TNIP3: variants seen among roughly 807,000 people sequenced by gnomAD.
TNIP3 encodes the protein TNFAIP3-interacting protein 3.
Under a neutral mutation model 54.1 loss-of-function variants are expected in TNIP3, and 34 were observed. The ratio of observed to expected loss-of-function variants is 0.63; its 90% CI spans 0.48 to 0.84. The LOEUF (loss-of-function observed/expected upper bound fraction) is 0.84. Ranked by LOEUF, TNIP3 falls within the 40% of genes least tolerant of loss-of-function variation. The pLI is 0.00. For synonymous variants in TNIP3, 134 were observed against 136.8 expected, an observed-to-expected ratio of 0.98 and a Z score of 0.14; for missense variants, 366 against 387.6, an observed-to-expected ratio of 0.94 and a Z score of 0.47.
At chr4:121,202,078 C>CA (rs1178462917) in intron 2 of TNIP3, among the ~76,000 whole-genome samples, 3 of 151,630 alleles carry the variant, frequency 2.0e-5, no homozygotes, top group African/African-American at 7.3e-5. Flanking sequence ...CATATGGAAC[C>CA]AAAAAAAGAG....
chr4:121,143,068 T>C (rs1729217334), intron 7 of TNIP3, among the ~76,000 whole-genome samples: 1 of 152,258 alleles, frequency 6.6e-6, no homozygotes, highest in Non-Finnish European at 1.5e-5. Flanking sequence ...TGAATGACAT[T>C]GGAATTGTCA....
intron 2 of TNIP3, among the ~76,000 whole-genome samples, chr4:121,208,022 C>T (rs1247413377): frequency 6.6e-6 from 1 of 152,064 alleles, no homozygotes; most frequent in East Asian, 1.9e-4. Flanking sequence ...GCTTTTGCAT[C>T]TTCCTCATTT....
chr4:121,160,530 G>T (rs1333259788), intron 2 of TNIP3, among the ~76,000 whole-genome samples: 1 of 151,812 alleles, frequency 6.6e-6, no homozygotes, highest in Non-Finnish European at 1.5e-5. Flanking sequence ...TGCTAAAATT[G>T]TTATACTTTT....
intron 2 of TNIP3, among the ~76,000 whole-genome samples, chr4:121,196,434 G>A (rs1403960936): frequency 6.6e-6 from 1 of 151,926 alleles, no homozygotes; most frequent in African/African-American, 2.4e-5. Flanking sequence ...TATAATATTT[G>A]GCTCTAAAGA....
chr4:121,192,520 A>G (rs896168926), intron 2 of TNIP3, among the ~76,000 whole-genome samples: 1 of 152,150 alleles, frequency 6.6e-6, no homozygotes, highest in Non-Finnish European at 1.5e-5. Flanking sequence ...AATTCTACCT[A>G]TTTGACGAGA....
At chr4:121,194,403 T>A (rs1407391475) in intron 2 of TNIP3, among the ~76,000 whole-genome samples, 4 of 152,186 alleles carry the variant, frequency 2.6e-5, no homozygotes, top group Admixed American at 1.3e-4. Flanking sequence ...TTTTGCTCAA[T>A]GTAGAAATTA....
upstream of TNIP3, among the ~76,000 whole-genome samples, chr4:121,165,525 T>C (rs753416459): frequency 5.9e-5 from 9 of 152,188 alleles, no homozygotes; most frequent in Non-Finnish European, 1.0e-4. Context: ...CATGTTCTTG[T>C]GTTAATCTCT....
upstream of TNIP3, among the ~76,000 whole-genome samples, chr4:121,165,498 T>C (rs1246446018): frequency 6.6e-6 from 1 of 152,166 alleles, no homozygotes; most frequent in Non-Finnish European, 1.5e-5. Context: ...TCATCATGCA[T>C]TACGATTACA....
At chr4:121,193,317 G>A (rs569936909) in intron 2 of TNIP3, among the ~76,000 whole-genome samples, 9 of 152,020 alleles carry the variant, frequency 5.9e-5, no homozygotes, top group South Asian at 2.1e-4. Flanking sequence ...ATTTCTTTTC[G>A]TGCCAGAAAT....
intron 3 of TNIP3, 147 bp from the exon 4 acceptor site, chr4:121,157,390 A>T: frequency 2.1e-6 from 2 of 966,100 alleles, no homozygotes; most frequent in Non-Finnish European, 3.1e-6. Context: ...CGTCCCGAAC[A>T]CAGATCGGGA....
Position 121,141,902 on chromosome 4 carries a change from G to A in TNIP3, c.799C>T (p.Pro267Ser), listed in dbSNP as rs371407019. Residue 267 changes from proline (P) to serine (S), a missense_variant, in exon 9 of 11, where the codon CCC (proline) becomes TCC (serine). Pro to Ser is a moderately conservative substitution (Grantham distance 74, BLOSUM62 -1). Coordinates refer to ENST00000057513, the MANE Select transcript of TNIP3 (RefSeq NM_024873.6). The part of the protein sequence containing the change: ...EKQLKQMYCP[P>S]CNCGLVFHLQ... ...TGGAAAACCAAGCCGCAGTTACAGG[G>A]TGGGCAATACATCTGAGGAGAACAA... is the stretch of plus-strand genomic sequence containing the variant. 2.6e-5 allele frequency: 41 copies of A among 1,598,356 alleles called. No homozygotes were observed. The South Asian group carries it at 2.6e-4, about 10-fold the overall frequency.
At chr4:121,182,571 C>CA in intron 3 of TNIP3, 1 of 1,329,566 alleles carries the variant, frequency 7.5e-7, no homozygotes, top group East Asian at 2.6e-5. Context: ...CAAGGAAGTA[C>CA]ATGACTGACG....
At chr4:121,182,520 G>C (rs1439492597) in intron 3 of TNIP3, among the ~76,000 whole-genome samples, 5 of 152,296 alleles carry the variant, frequency 3.3e-5, no homozygotes, top group African/African-American at 1.2e-4. Context: ...GTGGCTGTGT[G>C]AGAGAAGTTT....
chr4:121,201,185 A>T (rs1385333993), intron 2 of TNIP3, among the ~76,000 whole-genome samples: 1 of 152,148 alleles, frequency 6.6e-6, no homozygotes, highest in Non-Finnish European at 1.5e-5. Flanking sequence ...TCCAGAAAAC[A>T]TGCTAATCAA....
At chr4:121,217,030 A>T (rs984158158), upstream of TNIP3, among the ~76,000 whole-genome samples, 2 of 152,204 alleles carry the variant, frequency 1.3e-5, no homozygotes, top group African/African-American at 4.8e-5. Context: ...AAAAAGAGAA[A>T]AAAAACTGTA....
intron 3 of TNIP3, 138 bp downstream of exon 3, chr4:121,158,549 T>C (rs946035726): frequency 1.2e-5 from 9 of 722,910 alleles, no homozygotes; most frequent in African/African-American, 1.1e-4. Context: ...ATACTACACT[T>C]AGCACCCTTC....
chr4:121,195,321 A>T (rs1021512751), intron 2 of TNIP3, among the ~76,000 whole-genome samples: 10 of 152,238 alleles, frequency 6.6e-5, no homozygotes, highest in Admixed American at 1.3e-4. Context: ...GGGAATTTTT[A>T]AAATTATTCT....
chr4:121,190,356 A>G (rs1039776566), intron 2 of TNIP3, among the ~76,000 whole-genome samples: 1 of 152,098 alleles, frequency 6.6e-6, no homozygotes, highest in African/African-American at 2.4e-5. Flanking sequence ...TCATCATTGT[A>G]TTTTTCAGAG....
At chr4:121,189,208 A>C (rs1421432236) in intron 2 of TNIP3, among the ~76,000 whole-genome samples, 2 of 152,294 alleles carry the variant, frequency 1.3e-5, no homozygotes, top group East Asian at 3.9e-4. Flanking sequence ...CTTCCTCCAC[A>C]CACTCGCCTA....
Sources: gnomAD v4.1 joint callset for allele counts (sites outside exome capture counted in the v4.1 genomes callset) on GRCh38, gnomAD v4.1.1 for gene constraint, MANE v1.5 for transcripts, NCBI Gene and HGNC (gene_info 2026-07-23, HGNC 2026-07-21) for gene names.